The following SNX29 variants were observed in gnomAD, a reference collection of about 807,000 sequenced individuals.
SNX29 encodes the protein sorting nexin 29.
Under a neutral mutation model 102.1 loss-of-function variants are expected in SNX29, and 78 were observed. The observed-to-expected ratio is 0.76, with a 90% CI of 0.64 to 0.92. The LOEUF (loss-of-function observed/expected upper bound fraction) is 0.92, where lower values mean the gene tolerates loss of function less well. SNX29 is among the 40% of genes least tolerant of loss of function. The pLI, the probability that SNX29 is intolerant of heterozygous loss-of-function variation, is 0.00. For missense variants in SNX29, 1,280 were observed against 1,061.7 expected, an observed-to-expected ratio of 1.21 and a Z score of -2.86; for synonymous variants, 580 against 414.5, an observed-to-expected ratio of 1.40 and a Z score of -4.85.
intron 14 of SNX29, among the ~76,000 whole-genome samples, chr16:12,201,135 A>G (rs540360251): frequency 1.3e-5 from 2 of 152,274 alleles, no homozygotes; most frequent in African/African-American, 4.8e-5. Flanking sequence ...TGCTTTATTC[A>G]TATTTGGGTC....
At chr16:12,163,372 G>A (rs1388584264) in intron 13 of SNX29, among the ~76,000 whole-genome samples, 2 of 152,168 alleles carry the variant, frequency 1.3e-5, no homozygotes, top group African/African-American at 4.8e-5. Context: ...CGAGAAGCTT[G>A]AGAGGGCCTG....
At chr16:12,101,298 C>T (rs1197292869) in intron 11 of SNX29, among the ~76,000 whole-genome samples, 2 of 64,066 alleles carry the variant, frequency 3.1e-5, no homozygotes, top group Admixed American at 2.8e-4. Flanking sequence ...TGGCCCCCCC[C>T]AACTTTTTTT....
intron 14 of SNX29, among the ~76,000 whole-genome samples, chr16:12,228,659 G>A (rs1458504981): frequency 1.3e-5 from 2 of 152,194 alleles, no homozygotes; most frequent in Non-Finnish European, 2.9e-5. Flanking sequence ...TTTCAACCCT[G>A]TCTGGTGCGC....
intron 11 of SNX29, among the ~76,000 whole-genome samples, chr16:12,120,282 G>A (rs1007791133): frequency 2.0e-5 from 3 of 152,208 alleles, no homozygotes; most frequent in Admixed American, 6.5e-5. Context: ...GCCCTCATGA[G>A]CTCTGTCTTT....
At chr16:12,424,825 T>C (rs1164455670) in intron 18 of SNX29, among the ~76,000 whole-genome samples, 1 of 152,222 alleles carries the variant, frequency 6.6e-6, no homozygotes, top group Non-Finnish European at 1.5e-5. Flanking sequence ...GATTAGGTTA[T>C]AGTAATGAGA....
At chr16:12,541,400 C>T (rs1444153711) in intron 20 of SNX29, among the ~76,000 whole-genome samples, 6 of 152,090 alleles carry the variant, frequency 3.9e-5, no homozygotes, top group East Asian at 1.9e-4. Flanking sequence ...GCTCATTGTA[C>T]AGATAAAGAA....
intron 13 of SNX29, among the ~76,000 whole-genome samples, chr16:12,167,711 A>C (rs537904889): frequency 2.6e-5 from 4 of 152,342 alleles, no homozygotes; most frequent in South Asian, 2.1e-4. Flanking sequence ...ACCAAGGCAC[A>C]AAGAAGTCAT....
At chr16:12,540,808 C>T (rs990825401) in intron 20 of SNX29, among the ~76,000 whole-genome samples, 5 of 152,190 alleles carry the variant, frequency 3.3e-5, no homozygotes, top group Admixed American at 6.5e-5. Context: ...AAGGCTGAGG[C>T]ATGAGAGAAG....
At chr16:12,321,486 A>G (rs921353970) in intron 15 of SNX29, among the ~76,000 whole-genome samples, 2 of 152,230 alleles carry the variant, frequency 1.3e-5, no homozygotes, top group African/African-American at 4.8e-5. Context: ...ATATGACGTC[A>G]TCTGTCATAG....
intron 19 of SNX29, among the ~76,000 whole-genome samples, chr16:12,521,610 G>A (rs1329786242): frequency 1.3e-5 from 2 of 152,210 alleles, no homozygotes; most frequent in Admixed American, 1.3e-4. Flanking sequence ...GGGCTGATGA[G>A]CTCCTTTCTT....
chr16:12,146,789 C>G (rs2141552234), intron 13 of SNX29, among the ~76,000 whole-genome samples: 1 of 152,230 alleles, frequency 6.6e-6, no homozygotes, highest in South Asian at 2.1e-4. Flanking sequence ...ATGGAAATGC[C>G]AAATGCTTTA....
chr16:12,109,288 G>A (rs1215681900), intron 11 of SNX29, among the ~76,000 whole-genome samples: 1 of 152,012 alleles, frequency 6.6e-6, no homozygotes. Flanking sequence ...CAGATGGGGA[G>A]GGGACTGAGT....
At chr16:12,562,662 A>C (rs937366943) in intron 20 of SNX29, among the ~76,000 whole-genome samples, 1 of 152,154 alleles carries the variant, frequency 6.6e-6, no homozygotes, top group East Asian at 1.9e-4. Context: ...TTATGTCGGG[A>C]AAGTCTAGAT....
chr16:12,147,900 C>A (rs1017575368), intron 13 of SNX29, among the ~76,000 whole-genome samples: 1 of 152,076 alleles, frequency 6.6e-6, no homozygotes, highest in Non-Finnish European at 1.5e-5. Context: ...ATTTTGGAGC[C>A]TGGGAGGGGA....
At chr16:12,119,176 C>G (rs367872644) in intron 11 of SNX29, among the ~76,000 whole-genome samples, 1 of 152,164 alleles carries the variant, frequency 6.6e-6, no homozygotes, top group Non-Finnish European at 1.5e-5. Context: ...GCCATGTCCC[C>G]GCATAGACAG....
chr16:12,396,312 G>A (rs1270659434), intron 16 of SNX29, among the ~76,000 whole-genome samples: 2 of 152,176 alleles, frequency 1.3e-5, no homozygotes, highest in African/African-American at 4.8e-5. Flanking sequence ...GTTGCCTTCT[G>A]CCTGTGCTCT....
intron 6 of SNX29, among the ~76,000 whole-genome samples, chr16:12,046,794 A>G (rs918129704): frequency 3.3e-5 from 5 of 151,946 alleles, no homozygotes; most frequent in Admixed American, 6.6e-5. Flanking sequence ...TAATTTTTGT[A>G]TTTTAATAGA....
chr16:12,499,221 G>T (rs9939265), intron 19 of SNX29, among the ~76,000 whole-genome samples: 91 of 152,320 alleles, frequency 6.0e-4, no homozygotes, highest in Non-Finnish European at 2.4e-4. Flanking sequence ...TCCCTCAGCA[G>T]TACTGTTGGT....
At chr16:12,076,410 C>T (rs187260546) in intron 10 of SNX29, among the ~76,000 whole-genome samples, 1 of 152,006 alleles carries the variant, frequency 6.6e-6, no homozygotes, top group East Asian at 1.9e-4. Flanking sequence ...AAGTGATTCT[C>T]CTGCCTCAGC....
Sources: gnomAD v4.1 joint callset for allele counts (sites outside exome capture counted in the v4.1 genomes callset) on GRCh38, gnomAD v4.1.1 for gene constraint, MANE v1.5 for transcripts, NCBI Gene and HGNC (gene_info 2026-07-23, HGNC 2026-07-21) for gene names.